The following RAMP1 variants were observed in gnomAD, a reference collection of about 807,000 sequenced individuals.
The protein encoded by RAMP1 is receptor activity-modifying protein 1.
Under a neutral mutation model 8.2 loss-of-function variants are expected in RAMP1, and 7 were observed. The ratio of observed to expected loss-of-function variants is 0.85; its 90% CI spans 0.49 to 1.60. The LOEUF is 1.60. Among genes scored for constraint, RAMP1 ranks in the 40% most tolerant of loss-of-function variants. The probability of loss-of-function intolerance (pLI) is 0.00; values close to 1 mark genes in which losing one functional copy is unlikely to be tolerated. For synonymous variants in RAMP1, 92 were observed against 84.7 expected (o/e 1.09, Z -0.47); for missense variants, 192 against 202.4 (o/e 0.95, Z 0.31).
rs182892712 is a variant in RAMP1, at chr2:237,911,523, C to T, written c.192-5C>T. 156 of 1,613,784 alleles carry T rather than the reference C, an allele frequency of 9.7e-5. No homozygotes were observed. The Middle Eastern group carries it at 1.3e-3, about 14-fold the overall frequency. Reference sequence around the variant, plus strand: ...GGGTCTTACCACCTCCTCTTCCATCCGCAGGAGCTACAGGGAGCTGGCCGA... The same window carrying T: ...GGGTCTTACCACCTCCTCTTCCATCTGCAGGAGCTACAGGGAGCTGGCCGA... On this transcript the variant is annotated splice_region_variant and splice_polypyrimidine_tract_variant and intron_variant, in intron 2 of 2. Transcript: ENST00000254661.
At chr2:237,884,582 AC>A (rs2062408269) in intron 2 of RAMP1, among the ~76,000 whole-genome samples, 1 of 151,996 alleles carries the variant, frequency 6.6e-6, no homozygotes. Context: ...ATTCCACCCC[AC>A]CCTGTATGGC....
intron 2 of RAMP1, among the ~76,000 whole-genome samples, chr2:237,908,565 G>A (rs1011582166): frequency 4.6e-5 from 7 of 152,054 alleles, no homozygotes; most frequent in Non-Finnish European, 8.8e-5. Flanking sequence ...AGACTCCCTC[G>A]TAGCTGGGAT....
intron 1 of RAMP1, among the ~76,000 whole-genome samples, chr2:237,861,326 G>A (rs571388728): frequency 2.0e-5 from 3 of 152,234 alleles, no homozygotes; most frequent in East Asian, 3.9e-4. Context: ...AACTTTATGA[G>A]GTTATCAGTA....
chr2:237,908,869 C>T (rs1256703982), intron 2 of RAMP1, among the ~76,000 whole-genome samples: 1 of 152,176 alleles, frequency 6.6e-6, no homozygotes, highest in African/African-American at 2.4e-5. Context: ...GGGTGACAGG[C>T]TGTGCTGTTC....
chr2:237,896,827 G>T (rs1033430532), intron 2 of RAMP1, among the ~76,000 whole-genome samples: 1 of 152,094 alleles, frequency 6.6e-6, no homozygotes, highest in African/African-American at 2.4e-5. Flanking sequence ...TAAACTTTGT[G>T]TAGAGATGGG....
At chr2:237,880,382 G>A (rs1287685406) in intron 2 of RAMP1, among the ~76,000 whole-genome samples, 1 of 152,180 alleles carries the variant, frequency 6.6e-6, no homozygotes, top group Non-Finnish European at 1.5e-5. Context: ...GGTACCACGA[G>A]ATGTTCCAGG....
intron 1 of RAMP1, among the ~76,000 whole-genome samples, chr2:237,871,041 G>A (rs77844173): frequency 6.6e-6 from 1 of 152,140 alleles, no homozygotes; most frequent in East Asian, 1.9e-4. Context: ...AGGCTTTGGC[G>A]GGGTAAGCGG....
At chr2:237,910,686 C>G (rs1576561785) in intron 2 of RAMP1, among the ~76,000 whole-genome samples, 1 of 151,370 alleles carries the variant, frequency 6.6e-6, no homozygotes, top group African/African-American at 2.4e-5. Flanking sequence ...CAGCCACTCA[C>G]AGATAACAGT....
chr2:237,911,379 TG>T, intron 2 of RAMP1, 148 bp from the exon 3 acceptor site: 1 of 1,177,468 alleles, frequency 8.5e-7, no homozygotes, highest in Non-Finnish European at 1.2e-6. Context: ...CCTGCCCTCC[TG>T]GATCCAGGGC....
At chr2:237,866,889 C>T (rs543820818) in intron 1 of RAMP1, among the ~76,000 whole-genome samples, 12 of 152,092 alleles carry the variant, frequency 7.9e-5, no homozygotes, top group South Asian at 2.1e-4. Flanking sequence ...CTACCATGCC[C>T]GGCAAATTTT....
chr2:237,911,201 G>C (rs543871790), intron 2 of RAMP1, among the ~76,000 whole-genome samples: 1 of 151,916 alleles, frequency 6.6e-6, no homozygotes, highest in Admixed American at 6.6e-5. Context: ...AGAAGGAGCT[G>C]GTGGCAGAGG....
intron 1 of RAMP1, among the ~76,000 whole-genome samples, chr2:237,876,887 C>T (rs575000672): frequency 1.3e-5 from 2 of 152,178 alleles, no homozygotes; most frequent in Non-Finnish European, 2.9e-5. Context: ...CCCCAGGTAC[C>T]CGTGGAACAG....
intron 2 of RAMP1, among the ~76,000 whole-genome samples, chr2:237,903,439 A>G (rs1266923444): frequency 6.6e-6 from 1 of 152,198 alleles, no homozygotes; most frequent in Admixed American, 6.5e-5. Flanking sequence ...TGTGTTTCAG[A>G]AAAATTGTAC....
upstream of RAMP1, among the ~76,000 whole-genome samples, chr2:237,859,279 C>T (rs1456380989): frequency 6.6e-6 from 1 of 152,180 alleles, no homozygotes; most frequent in Non-Finnish European, 1.5e-5. Context: ...GGCAGGAACG[C>T]CCAGAACCTC....
chr2:237,900,871 A>G (rs2062590667), intron 2 of RAMP1, among the ~76,000 whole-genome samples: 1 of 152,214 alleles, frequency 6.6e-6, no homozygotes, highest in Non-Finnish European at 1.5e-5. Context: ...TTTGCCGCCT[A>G]ACACAGACCC....
intron 2 of RAMP1, among the ~76,000 whole-genome samples, chr2:237,900,034 T>C (rs2062582161): frequency 6.6e-6 from 1 of 152,242 alleles, no homozygotes; most frequent in Admixed American, 6.5e-5. Context: ...AAGTCGATAT[T>C]TGATAGTTTA....
chr2:237,894,485 G>A (rs1336906248), intron 2 of RAMP1, among the ~76,000 whole-genome samples: 1 of 152,194 alleles, frequency 6.6e-6, no homozygotes, highest in Non-Finnish European at 1.5e-5. Context: ...GGCCCTTTGG[G>A]CAGCCGCAGG....
intron 1 of RAMP1, among the ~76,000 whole-genome samples, chr2:237,873,933 C>A (rs1199330553): frequency 4.6e-5 from 7 of 152,222 alleles, no homozygotes; most frequent in Non-Finnish European, 1.0e-4. Context: ...GGACTCTGGG[C>A]TCCCATAGGG....
At chr2:237,910,109 G>T (rs1320184624) in intron 2 of RAMP1, among the ~76,000 whole-genome samples, 1 of 152,200 alleles carries the variant, frequency 6.6e-6, no homozygotes, top group East Asian at 1.9e-4. Context: ...AGGCCCTGTG[G>T]TGAAGTCCAT....
Sources: gnomAD v4.1 joint callset for allele counts (sites outside exome capture counted in the v4.1 genomes callset) on GRCh38, gnomAD v4.1.1 for gene constraint, MANE v1.5 for transcripts, NCBI Gene and HGNC (gene_info 2026-07-23, HGNC 2026-07-21) for gene names.